Variants in SDK1 observed in about 807,000 individuals in gnomAD.
SDK1 encodes protein sidekick-1.
In SDK1, 157 loss-of-function variants were observed where a neutral mutation model predicts 245.5. The ratio of observed to expected loss-of-function variants is 0.64; its 90% confidence interval spans 0.56 to 0.73. The LOEUF (loss-of-function observed/expected upper bound fraction) is 0.73. SDK1 is among the 30% of genes least tolerant of loss of function. The pLI, the probability that SDK1 is intolerant of heterozygous loss-of-function variation, is 0.00. For missense variants in SDK1, 3,583 were observed against 3,002.3 expected (o/e 1.19, Z -4.52); for synonymous variants, 1,647 against 1,278.5 (o/e 1.29, Z -6.15).
At chr7:3,411,318 T>G (rs1779192958) in intron 1 of SDK1, among the ~76,000 whole-genome samples, 1 of 152,172 alleles carries the variant, frequency 6.6e-6, no homozygotes, top group Non-Finnish European at 1.5e-5. Flanking sequence ...GAAAAGGCAG[T>G]TGGAGTCACA....
chr7:3,413,666 A>G (rs1294034652), intron 1 of SDK1, among the ~76,000 whole-genome samples: 1 of 152,086 alleles, frequency 6.6e-6, no homozygotes, highest in Non-Finnish European at 1.5e-5. Context: ...ACTCCAGGGC[A>G]ACAGAGCGAA....
intron 1 of SDK1, among the ~76,000 whole-genome samples, chr7:3,579,247 A>G (rs1780405382): frequency 6.7e-6 from 1 of 149,772 alleles, no homozygotes; most frequent in South Asian, 2.1e-4. Context: ...ACTTTAGCCA[A>G]TATCCTTGAT....
intron 44 of SDK1, among the ~76,000 whole-genome samples, chr7:4,248,058 T>C (rs965047309): frequency 2.0e-5 from 3 of 152,180 alleles, no homozygotes; most frequent in Non-Finnish European, 2.9e-5. Context: ...CCCCAACATA[T>C]GTGGCGTGTT....
chr7:3,815,377 G>C (rs1779481833), intron 4 of SDK1, among the ~76,000 whole-genome samples: 1 of 132,864 alleles, frequency 7.5e-6, no homozygotes, highest in Non-Finnish European at 1.6e-5. Context: ...ATAATCATGT[G>C]GTTTTTGTCT....
intron 1 of SDK1, among the ~76,000 whole-genome samples, chr7:3,361,974 A>G (rs949280365): frequency 1.3e-5 from 2 of 152,202 alleles, no homozygotes; most frequent in East Asian, 1.9e-4. Flanking sequence ...ACATTGAGTT[A>G]TGTCTTGGTA....
At chr7:3,615,764 C>G (rs1781748117) in intron 1 of SDK1, among the ~76,000 whole-genome samples, 1 of 151,632 alleles carries the variant, frequency 6.6e-6, no homozygotes, top group Non-Finnish European at 1.5e-5. Flanking sequence ...CTGCAGTGGC[C>G]TCTGGACTGG....
At chr7:3,908,647 C>A (rs1562528711) in intron 5 of SDK1, among the ~76,000 whole-genome samples, 1 of 152,130 alleles carries the variant, frequency 6.6e-6, no homozygotes, top group Non-Finnish European at 1.5e-5. Flanking sequence ...CACACCTAAG[C>A]CTATCCTGAT....
intron 5 of SDK1, among the ~76,000 whole-genome samples, chr7:3,947,399 C>T (rs759098363): frequency 2.0e-5 from 3 of 152,136 alleles, no homozygotes; most frequent in African/African-American, 7.2e-5. Context: ...TAAATATACA[C>T]TGTTTATATT....
chr7:4,206,473 A>G (rs924621787), intron 36 of SDK1, among the ~76,000 whole-genome samples: 7 of 152,168 alleles, frequency 4.6e-5, no homozygotes, highest in African/African-American at 1.7e-4. Context: ...CGCCAGTCTC[A>G]TTCCTCACAA....
At chr7:4,089,704 G>A (rs1307037729) in intron 22 of SDK1, among the ~76,000 whole-genome samples, 1 of 152,164 alleles carries the variant, frequency 6.6e-6, no homozygotes, top group Non-Finnish European at 1.5e-5. Context: ...TGCAGCCAGT[G>A]GTTAAACATT....
chr7:3,757,903 A>G (rs1303336076), intron 4 of SDK1, among the ~76,000 whole-genome samples: 1 of 152,116 alleles, frequency 6.6e-6, no homozygotes, highest in Non-Finnish European at 1.5e-5. Context: ...ACCCATCCTG[A>G]AGCTATCTAG....
At chr7:3,469,046 A>T (rs144475611) in intron 1 of SDK1, among the ~76,000 whole-genome samples, 1 of 152,322 alleles carries the variant, frequency 6.6e-6, no homozygotes, top group East Asian at 1.9e-4. Context: ...TGATCATGTC[A>T]TTATGTACTG....
At chr7:4,093,660 C>T (rs148235048) in intron 22 of SDK1, among the ~76,000 whole-genome samples, 92 of 152,298 alleles carry the variant, frequency 6.0e-4, no homozygotes, top group Non-Finnish European at 1.2e-3. Flanking sequence ...CTTAGAGACG[C>T]CGAGGCTGCC....
At chr7:3,803,154 A>G (rs1779147904) in intron 4 of SDK1, among the ~76,000 whole-genome samples, 1 of 152,074 alleles carries the variant, frequency 6.6e-6, no homozygotes, top group Admixed American at 6.6e-5. Context: ...ATAGGTGTGG[A>G]AGGGTAGGTC....
At chr7:3,637,044 T>C (rs948915346) in intron 2 of SDK1, among the ~76,000 whole-genome samples, 5 of 150,412 alleles carry the variant, frequency 3.3e-5, no homozygotes, top group Non-Finnish European at 5.9e-5. Flanking sequence ...AAGCTTTTTT[T>C]TCCTGATGCA....
At chr7:4,243,479 G>T (rs1562474110) in intron 43 of SDK1, among the ~76,000 whole-genome samples, 1 of 152,200 alleles carries the variant, frequency 6.6e-6, no homozygotes, top group Non-Finnish European at 1.5e-5. Flanking sequence ...CAGGAAAGAG[G>T]TTTAATGGAC....
intron 2 of SDK1, among the ~76,000 whole-genome samples, chr7:3,620,544 C>G (rs930805398): frequency 1.3e-5 from 2 of 152,168 alleles, no homozygotes; most frequent in African/African-American, 4.8e-5. Context: ...CTCAGGTGAT[C>G]TGCCTGCCTT....
rs1219853910 is a variant in SDK1 at position 3,914,888 on chromosome 7, G to A, written c.848-36035G>A. Among the ~76,000 whole-genome samples, 6 of 152,282 alleles carry A rather than the reference G, an allele frequency of 3.9e-5. No homozygotes were observed. In the East Asian group the frequency reaches 9.6e-4, roughly 24 times the overall value. On this transcript the variant is annotated intron_variant, in intron 5 of 44. Transcript: ENST00000404826. The stretch of plus-strand genomic sequence containing the variant: ...TTAAAAGGAAATCATTTCAAAAGTC[G>A]TCGAAAGCGAGTGTGTTTGATGTGT...
chr7:3,692,625 CAT>C lies in SDK1; in HGVS notation c.713+50521_713+50522del, dbSNP rs1443795758. ...TGATAAAAATATAAACTCTTGGCTA[CAT>C]GTTTTATTTAGTCTACTAGATAATC... On this transcript the variant is annotated intron_variant, in intron 4 of 44. Transcript: ENST00000404826. Among the ~76,000 whole-genome samples the C allele has an allele frequency of 2.2e-4, 34 of 152,046 alleles. 1 individual carries two copies. The highest frequency in any genetic ancestry group is 3.9e-4 in the East Asian group (2 of 5,184).
Sources: allele counts gnomAD v4.1 joint callset (sites outside exome capture counted in the v4.1 genomes callset), GRCh38; gene constraint gnomAD v4.1.1; transcripts MANE v1.5; gene names NCBI Gene and HGNC (gene_info 2026-07-23, HGNC 2026-07-21).